DMD: variants seen among roughly 807,000 people sequenced by gnomAD.
DMD encodes mutant dystrophin.
In DMD, 63 loss-of-function variants were observed where a neutral mutation model predicts 330.1. That is an observed-to-expected ratio of 0.19 (90% CI 0.16 to 0.24). DMD has a LOEUF of 0.24. DMD is among the 10% of genes least tolerant of loss of function. The pLI is 1.00. For synonymous variants in DMD, 1,223 were observed against 959.8 expected, an observed-to-expected ratio of 1.27 and a Z score of -5.07; for missense variants, 3,344 against 2,684.1, an observed-to-expected ratio of 1.25 and a Z score of -5.43.
At chrX:31,574,203 A>C (rs1378551724) in intron 55 of DMD, among the ~76,000 whole-genome samples, 1 of 90,320 alleles carries the variant, frequency 1.1e-5, no homozygotes, top group Non-Finnish European at 2.1e-5. Context: ...GAGTGCAGTG[A>C]CTCGATCTCG....
At chrX:32,684,789 T>A (rs2062729670) in intron 9 of DMD, among the ~76,000 whole-genome samples, 1 of 111,615 alleles carries the variant, frequency 9.0e-6, no homozygotes, top group South Asian at 3.7e-4. Flanking sequence ...TCTTTATGAA[T>A]TTTCCTATTG....
rs1284122259 is a variant in DMD at position 32,496,365 on chromosome X, T to C, written c.2381-4847A>G. Among the ~76,000 whole-genome samples, 18 of 112,077 alleles carry C rather than the reference T, an allele frequency of 1.6e-4. No individual in the cohort carries two copies. The Admixed American group carries it at 1.7e-3, about 11-fold the overall frequency. On this transcript the variant is annotated intron_variant, in intron 19 of 78. Transcript: ENST00000357033. ...GCATTCAATGTAATAGTCTAAAATG[T>C]AATATAGAGATATTCAAAACCTGTG...
intron 48 of DMD, among the ~76,000 whole-genome samples, chrX:31,869,676 G>A (rs1451579770): frequency 9.2e-6 from 1 of 109,270 alleles, no homozygotes; most frequent in Non-Finnish European, 1.9e-5. Context: ...AGCCCTGCAA[G>A]CAGAAGCTGG....
At chrX:32,448,370 A>C (rs2098314167) in intron 27 of DMD, 86 bp downstream of exon 27, 1 of 1,064,390 alleles carries the variant, frequency 9.4e-7, no homozygotes, top group Admixed American at 2.2e-5. Flanking sequence ...GTTGTTTTGC[A>C]CTGGTATCCA....
chrX:32,765,280 G>A (rs962501538), intron 7 of DMD, among the ~76,000 whole-genome samples: 4 of 110,572 alleles, frequency 3.6e-5, no homozygotes, highest in African/African-American at 6.6e-5. Context: ...TCTGATGAAT[G>A]GTTTAGTACT....
intron 57 of DMD, among the ~76,000 whole-genome samples, chrX:31,494,054 G>A (rs2069582852): frequency 9.2e-6 from 1 of 108,842 alleles, no homozygotes; most frequent in South Asian, 4.1e-4. Flanking sequence ...CTACTCGGGA[G>A]GCTGAGGCGG....
At chrX:33,229,152 G>A (rs1291530031) in intron 1 of DMD, among the ~76,000 whole-genome samples, 4 of 110,506 alleles carry the variant, frequency 3.6e-5, no homozygotes, top group Non-Finnish European at 7.6e-5. Context: ...CTCCCATTCT[G>A]TACCTTGTAT....
At chrX:32,635,842 T>C (rs1004045657) in intron 11 of DMD, among the ~76,000 whole-genome samples, 1 of 112,185 alleles carries the variant, frequency 8.9e-6, no homozygotes, top group Non-Finnish European at 1.9e-5. Context: ...CTGTTTTCAC[T>C]ATCTCATCAC....
At chrX:31,487,773 T>C (rs1468552751) in intron 57 of DMD, among the ~76,000 whole-genome samples, 2 of 112,134 alleles carry the variant, frequency 1.8e-5, no homozygotes, top group Non-Finnish European at 3.8e-5. Context: ...AAGTATCAGA[T>C]ACATCCATTC....
chrX:32,878,039 T>TC (rs1457814877), intron 2 of DMD, among the ~76,000 whole-genome samples: 1 of 112,234 alleles, frequency 8.9e-6, no homozygotes, highest in Non-Finnish European at 1.9e-5. Flanking sequence ...ACATAAGCAT[T>TC]CCTCTAATTA....
chrX:33,074,675 T>C (rs757990659), intron 1 of DMD, among the ~76,000 whole-genome samples: 4 of 111,296 alleles, frequency 3.6e-5, no homozygotes, highest in Non-Finnish European at 7.5e-5. Flanking sequence ...CAAGTTAGCA[T>C]ACACAGCCCT....
intron 74 of DMD, among the ~76,000 whole-genome samples, chrX:31,158,709 C>G (rs1272736522): frequency 8.9e-6 from 1 of 111,887 alleles, no homozygotes; most frequent in Non-Finnish European, 1.9e-5. Context: ...AATTTTATTT[C>G]TTATAGCACA....
intron 55 of DMD, among the ~76,000 whole-genome samples, chrX:31,607,759 C>T (rs1309251078): frequency 1.8e-5 from 2 of 112,162 alleles, no homozygotes; most frequent in African/African-American, 3.2e-5. Context: ...AAAAGATTGT[C>T]GTCAAGACAA....
chrX:33,253,397 C>T lies in DMD; in HGVS notation c.7+85862G>A. Among the ~76,000 whole-genome samples, 2 of 111,432 alleles carry T rather than the reference C, an allele frequency of 1.8e-5. 1 individual carries two copies. Among genetic ancestry groups the T allele is most frequent in the Non-Finnish European group, 3.8e-5 (2 of 52,931 alleles). ...AACTACTTCTACTAATTTAATAGAA[C>T]TAGAGAATCAGGGAAAGACAAGCTG... On this transcript the variant is annotated intron_variant, in intron 1 of 17. Transcript: ENST00000288447.
At chrX:33,143,586 G>A (rs1465529026) in intron 1 of DMD, among the ~76,000 whole-genome samples, 1 of 111,294 alleles carries the variant, frequency 9.0e-6, no homozygotes, top group Non-Finnish European at 1.9e-5. Flanking sequence ...GTAGAGGGCT[G>A]ATAATAACCT....
intron 16 of DMD, among the ~76,000 whole-genome samples, chrX:32,547,330 G>T (rs2049073387): frequency 9.0e-6 from 1 of 110,609 alleles, no homozygotes; most frequent in Non-Finnish European, 1.9e-5. Flanking sequence ...GCCCATGGAG[G>T]GTAAAGGGAA....
chrX:33,014,359 C>T (rs773247787), intron 2 of DMD, among the ~76,000 whole-genome samples: 1 of 112,038 alleles, frequency 8.9e-6, no homozygotes, highest in African/African-American at 3.2e-5. Flanking sequence ...GTCATGTTTA[C>T]TTGGCTATTA....
At chrX:31,620,283 C>T (rs1187104618) in intron 55 of DMD, among the ~76,000 whole-genome samples, 4 of 109,369 alleles carry the variant, frequency 3.7e-5, no homozygotes, top group Non-Finnish European at 7.6e-5. Flanking sequence ...TTTATAGTAT[C>T]AATATGAGAA....
intron 28 of DMD, 101 bp downstream of exon 28, chrX:32,441,079 C>A (rs1282600254): frequency 8.9e-6 from 8 of 902,230 alleles, no homozygotes; most frequent in Non-Finnish European, 1.3e-5. Context: ...AGTAATTATA[C>A]TCTCTTGGGT....
Sources: gnomAD v4.1 joint callset for allele counts (sites outside exome capture counted in the v4.1 genomes callset) on GRCh38, gnomAD v4.1.1 for gene constraint, MANE v1.5 for transcripts, NCBI Gene and HGNC (gene_info 2026-07-23, HGNC 2026-07-21) for gene names.